Variants in GMEB1 observed in about 807,000 individuals in gnomAD.
GMEB1 encodes glucocorticoid modulatory element binding protein 1.
In GMEB1, 6 loss-of-function variants were observed where a neutral mutation model predicts 52.4. The ratio of observed to expected loss-of-function variants is 0.11; its 90% CI spans 0.06 to 0.23. The LOEUF (loss-of-function observed/expected upper bound fraction) is 0.23, where lower values mean the gene tolerates loss of function less well. GMEB1 is among the 10% of genes least tolerant of loss of function. The pLI is 1.00. For synonymous variants in GMEB1, 255 were observed against 244.9 expected (o/e 1.04, Z -0.38); for missense variants, 486 against 685.6 (o/e 0.71, Z 3.25).
chr1:28,710,596 G>A lies in GMEB1; in HGVS notation c.945G>A (p.Arg315=), dbSNP rs148296057. The A allele has an allele frequency of 8.7e-6, 14 of 1,609,246 alleles. No individual in the cohort carries two copies. Among genetic ancestry groups the A allele is most frequent in the South Asian group, 2.2e-5 (2 of 90,226 alleles). The part of the protein sequence containing the change: ...DTVKKVLDNR[R]NQVEQGEEQF... ...TCAAGAAGGTTTTAGACAACAGAAG[G>A]AACCAAGTAGAGCAGGGAGAAGAAC... The change falls in exon 9 of 10, where the codon AGG becomes AGA. Residue 315 remains arginine, a synonymous_variant. Transcript: ENST00000373816.
At chr1:28,689,985 A>G (rs575764445) in intron 2 of GMEB1, 119 bp from the exon 3 acceptor site, 5 of 630,628 alleles carry the variant, frequency 7.9e-6, no homozygotes, top group South Asian at 4.4e-5. Flanking sequence ...AGAGTTATAA[A>G]GTATATTTAT....
In GMEB1 at chr1:28,690,201, G is replaced by GTTT. The variant is rs764837396; in HGVS notation, c.211+16_211+17insTTT. The GTTT allele has an allele frequency of 1.5e-4, 87 of 582,738 alleles. No homozygotes were observed. Among genetic ancestry groups the GTTT allele is most frequent in the Non-Finnish European group, 2.0e-4 (78 of 390,694 alleles). The allele number at this position is 582,738 out of a possible 1,614,324, so 36.1% of individuals were successfully genotyped here. On this transcript the variant is annotated intron_variant, in intron 3 of 9. Coordinates refer to ENST00000373816, the MANE Select transcript of GMEB1 (RefSeq NM_001319674.2). ...AGAAGGGATTGGTAAGGGTTTTTTT[G>GTTT]TGTTTTTTTTTTTTTTTTTTTTTGT...
At chr1:28,674,307 C>G (rs1669039968) in intron 1 of GMEB1, among the ~76,000 whole-genome samples, 1 of 152,096 alleles carries the variant, frequency 6.6e-6, no homozygotes, top group African/African-American at 2.4e-5. Flanking sequence ...GTACTCCACA[C>G]TGGTCTGGGT....
At chr1:28,680,302 A>G (rs945226060) in intron 1 of GMEB1, among the ~76,000 whole-genome samples, 1 of 152,224 alleles carries the variant, frequency 6.6e-6, no homozygotes, top group Non-Finnish European at 1.5e-5. Flanking sequence ...AATGTATTGC[A>G]TATCTGCTGT....
intron 5 of GMEB1, among the ~76,000 whole-genome samples, chr1:28,694,066 A>G (rs910340323): frequency 1.3e-5 from 2 of 152,136 alleles, no homozygotes; most frequent in Non-Finnish European, 1.5e-5. Context: ...GCTTATGACA[A>G]TTTGAAGGAA....
chr1:28,703,184 C>CT (rs1670597754), intron 7 of GMEB1, among the ~76,000 whole-genome samples: 1 of 152,098 alleles, frequency 6.6e-6, no homozygotes, highest in Non-Finnish European at 1.5e-5. Context: ...CTTAGATAGA[C>CT]TAAGTTTTGA....
chr1:28,695,938 CAAAAA>C (rs58978972), intron 5 of GMEB1, among the ~76,000 whole-genome samples: 12 of 41,048 alleles, frequency 2.9e-4, no homozygotes, highest in African/African-American at 6.9e-4. Context: ...GACTCCGTCT[CAAAAA>C]AAAAAAAAAA....
At chr1:28,669,573 G>T (rs1190791023) in intron 1 of GMEB1, among the ~76,000 whole-genome samples, 1 of 152,068 alleles carries the variant, frequency 6.6e-6, no homozygotes, top group Non-Finnish European at 1.5e-5. Context: ...AGGAAGAGGA[G>T]CTCTAAGGGG....
At chr1:28,685,018 G>A (rs528023144) in intron 2 of GMEB1, among the ~76,000 whole-genome samples, 3 of 152,086 alleles carry the variant, frequency 2.0e-5, no homozygotes, top group Admixed American at 2.0e-4. Context: ...CAGTTTATCT[G>A]CACTATTTAC....
intron 1 of GMEB1, among the ~76,000 whole-genome samples, chr1:28,675,844 C>A (rs565094043): frequency 6.6e-6 from 1 of 152,260 alleles, no homozygotes; most frequent in Non-Finnish European, 1.5e-5. Context: ...AGCTACTTTT[C>A]CATTTACACT....
At position 28,697,087 on chromosome 1, in the gene GMEB1, A is replaced by AG. The variant is rs1322434857; in HGVS notation, c.598+8dup. The AG allele has an allele frequency of 6.3e-7, 1 of 1,587,186 alleles. No individual in the cohort carries two copies. Among genetic ancestry groups the AG allele is most frequent in the Non-Finnish European group, 8.6e-7 (1 of 1,165,654 alleles). On this transcript the variant is annotated splice_donor_region_variant and intron_variant, in intron 6 of 9. Transcript: ENST00000373816. ...GCAGACACCCACTTCGGCTGATGGT[A>AG]GGGGGTAGGAAACCACCTGAAAACC...
At chr1:28,679,286 T>C (rs2124467721) in intron 1 of GMEB1, among the ~76,000 whole-genome samples, 1 of 152,136 alleles carries the variant, frequency 6.6e-6, no homozygotes, top group South Asian at 2.1e-4. Context: ...CAATGAATTC[T>C]CCTCCCTCAG....
At chr1:28,693,687 G>A (rs550246507) in intron 5 of GMEB1, among the ~76,000 whole-genome samples, 3 of 152,102 alleles carry the variant, frequency 2.0e-5, no homozygotes, top group Non-Finnish European at 2.9e-5. Context: ...TCCTGACCTC[G>A]TGATCCACCC....
intron 5 of GMEB1, among the ~76,000 whole-genome samples, chr1:28,694,796 T>G (rs1465093492): frequency 6.6e-6 from 1 of 151,932 alleles, no homozygotes; most frequent in African/African-American, 2.4e-5. Context: ...CCTGTGTAGC[T>G]GGGATTACAG....
chr1:28,683,856 C>A, intron 2 of GMEB1, 116 bp downstream of exon 2: 1 of 976,970 alleles, frequency 1.0e-6, no homozygotes, highest in Non-Finnish European at 1.6e-6. Context: ...TCAGAGCTGG[C>A]TCAGTTTTCA....
intron 4 of GMEB1, among the ~76,000 whole-genome samples, chr1:28,692,311 CA>C: frequency 6.6e-6 from 1 of 152,162 alleles, no homozygotes; most frequent in South Asian, 2.1e-4. Flanking sequence ...GTGAGTGGAT[CA>C]CCTGAGGTCA....
chr1:28,700,940 C>G (rs1172020964), intron 6 of GMEB1, among the ~76,000 whole-genome samples: 2 of 151,860 alleles, frequency 1.3e-5, no homozygotes, highest in Admixed American at 1.3e-4. Context: ...TTTTCCCAAC[C>G]AAACATGGAT....
chr1:28,676,672 C>G (rs1017122104), intron 1 of GMEB1, among the ~76,000 whole-genome samples: 2 of 151,514 alleles, frequency 1.3e-5, no homozygotes, highest in Admixed American at 6.6e-5. Context: ...CTTCAGTGAG[C>G]CGAGATCAGG....
Position 28,714,123 on chromosome 1 carries a change from C to G in GMEB1, c.1042C>G (p.Leu348Val), listed in dbSNP as rs1306084944. 1 of 1,613,732 alleles carries G rather than the reference C, an allele frequency of 6.2e-7. No individual in the cohort carries two copies. Among genetic ancestry groups the G allele is most frequent in the African/African-American group, 1.3e-5 (1 of 74,922 alleles). The change falls in exon 10 of 10, where the codon CTG (leucine) becomes GTG (valine). Residue 348 changes from leucine to valine, a missense_variant. Transcript: ENST00000373816. ...EQKKQGQDHR[L>V]KSQTVQNVVL... ...GAAGAAGCAAGGCCAGGATCACAGG[C>G]TGAAATCTCAGACAGTTCAAAATGT... is the stretch of plus-strand genomic sequence containing the variant.
Sources: allele counts gnomAD v4.1 joint callset (sites outside exome capture counted in the v4.1 genomes callset), GRCh38; gene constraint gnomAD v4.1.1; transcripts MANE v1.5; gene names NCBI Gene and HGNC (gene_info 2026-07-23, HGNC 2026-07-21).